DLG2: variants seen among roughly 807,000 people sequenced by gnomAD.
DLG2 encodes the protein discs large MAGUK scaffold protein 2.
DLG2 carries 45 observed loss-of-function variants against 132.5 expected under a neutral mutation model. The ratio of observed to expected loss-of-function variants is 0.34; its 90% CI spans 0.27 to 0.44. The LOEUF (loss-of-function observed/expected upper bound fraction) is 0.44. DLG2 is among the 20% of genes least tolerant of loss of function. The probability of loss-of-function intolerance (pLI) is 1.00; values close to 1 mark genes in which losing one functional copy is unlikely to be tolerated. For synonymous variants in DLG2, 424 were observed against 419.6 expected, an observed-to-expected ratio of 1.01 and a Z score of -0.13; for missense variants, 1,045 against 1,196.9, an observed-to-expected ratio of 0.87 and a Z score of 1.87.
At chr11:84,393,918 C>T (rs1230667408) in intron 7 of DLG2, among the ~76,000 whole-genome samples, 3 of 152,118 alleles carry the variant, frequency 2.0e-5, no homozygotes, top group Non-Finnish European at 4.4e-5. Context: ...CAGAGTCTCA[C>T]TTTGTCACTC....
chr11:84,446,003 C>A (rs532738670), intron 7 of DLG2, among the ~76,000 whole-genome samples: 1 of 145,498 alleles, frequency 6.9e-6, no homozygotes, highest in Non-Finnish European at 1.5e-5. Context: ...CTCTTAAATT[C>A]TGTTATGTTT....
chr11:83,593,508 G>C (rs1003873408), intron 19 of DLG2, among the ~76,000 whole-genome samples: 13 of 151,990 alleles, frequency 8.6e-5, no homozygotes, highest in Admixed American at 3.9e-4. Context: ...GTTGGCGGAG[G>C]GGGGAGGGAT....
chr11:84,850,588 G>A (rs1348823923), intron 6 of DLG2, among the ~76,000 whole-genome samples: 1 of 151,952 alleles, frequency 6.6e-6, no homozygotes, highest in African/African-American at 2.4e-5. Flanking sequence ...AAAAGCATCT[G>A]GATTGAAAAG....
At chr11:85,283,149 G>T (rs553655043) in intron 4 of DLG2, among the ~76,000 whole-genome samples, 3 of 151,948 alleles carry the variant, frequency 2.0e-5, no homozygotes, top group South Asian at 2.1e-4. Context: ...TAGCACCTGG[G>T]TGATGAAATA....
intron 6 of DLG2, among the ~76,000 whole-genome samples, chr11:84,979,166 G>C (rs891034638): frequency 7.9e-5 from 12 of 152,104 alleles, no homozygotes; most frequent in African/African-American, 2.9e-4. Context: ...AACAACAGGT[G>C]CTGGAGAGGA....
chr11:84,980,523 A>G (rs1053924406), intron 6 of DLG2, among the ~76,000 whole-genome samples: 2 of 152,174 alleles, frequency 1.3e-5, no homozygotes, highest in African/African-American at 4.8e-5. Context: ...ATCACATCAG[A>G]TAAGACCCTT....
intron 3 of DLG2, among the ~76,000 whole-genome samples, chr11:85,287,336 C>G (rs1055290811): frequency 5.3e-5 from 8 of 151,884 alleles, no homozygotes; most frequent in Admixed American, 1.3e-4. Context: ...GACAAGCAAA[C>G]TAAAAGAAAA....
rs117917560 is a variant in DLG2, at chr11:85,576,240, C to T, written c.40+22417G>A. 5.2e-3 allele frequency among the ~76,000 whole-genome samples: 786 copies of T among 152,196 alleles called. 2 individuals are homozygous for T. The highest frequency in any genetic ancestry group is 8.6e-3 in the Non-Finnish European group (584 of 67,986). On this transcript the variant is annotated intron_variant, in intron 3 of 27. Transcript: ENST00000376104. ...GCAGTAACCTCAAAAAGGAACAGAA[C>T]ATGTAAACAAGTAAAATTTGCATAC...
At chr11:84,728,433 A>T (rs2062758624) in intron 6 of DLG2, among the ~76,000 whole-genome samples, 1 of 152,172 alleles carries the variant, frequency 6.6e-6, no homozygotes. Flanking sequence ...CATCCCAGGG[A>T]TGAAACCAAC....
chr11:84,278,071 T>TTTTTTA (rs2097802399), intron 7 of DLG2, among the ~76,000 whole-genome samples: 1 of 148,512 alleles, frequency 6.7e-6, no homozygotes, highest in Admixed American at 6.7e-5. Context: ...TTTTTTTTTT[T>TTTTTTA]GAGACAGGGT....
Position 83,922,986 on chromosome 11 carries a change from A to G in DLG2, c.1496+7342T>C, listed in dbSNP as rs565925738. ...ATCTCATATAAGTATAAAATCACAT[A>G]TGGGATTAGACACATGCTGCCATTT... On this transcript the variant is annotated intron_variant, in intron 15 of 27. Transcript: ENST00000376104. 5.3e-5 allele frequency among the ~76,000 whole-genome samples: 8 copies of G among 152,242 alleles called. No individual in the cohort carries two copies. In the East Asian group the frequency reaches 1.4e-3, roughly 26 times the overall value.
chr11:83,644,204 G>A (rs1180392283), intron 18 of DLG2, among the ~76,000 whole-genome samples: 2 of 152,080 alleles, frequency 1.3e-5, no homozygotes, highest in Non-Finnish European at 2.9e-5. Context: ...TACTTGCTTA[G>A]TATCTGTGAA....
intron 3 of DLG2, among the ~76,000 whole-genome samples, chr11:85,516,792 A>G (rs572664057): frequency 2.0e-5 from 3 of 152,030 alleles, no homozygotes; most frequent in Non-Finnish European, 2.9e-5. Flanking sequence ...AACTTTCCCA[A>G]TAAAGGAAAA....
At chr11:85,004,828 A>G (rs1241043043) in intron 6 of DLG2, among the ~76,000 whole-genome samples, 1 of 152,078 alleles carries the variant, frequency 6.6e-6, no homozygotes. Flanking sequence ...GGTATTGCCA[A>G]GGTTTTCTTC....
intron 18 of DLG2, among the ~76,000 whole-genome samples, chr11:83,745,056 G>A (rs1011223005): frequency 5.9e-5 from 9 of 152,212 alleles, no homozygotes; most frequent in South Asian, 2.1e-4. Flanking sequence ...CCAAAAATAC[G>A]AATCTCAGTT....
chr11:83,557,779 T>C (rs1466919524), intron 19 of DLG2, among the ~76,000 whole-genome samples: 1 of 152,116 alleles, frequency 6.6e-6, no homozygotes. Context: ...ATTGGTAATC[T>C]GGGGTGGTGG....
chr11:83,987,683 T>C (rs1172188526), intron 11 of DLG2, among the ~76,000 whole-genome samples: 2 of 152,082 alleles, frequency 1.3e-5, no homozygotes, highest in Non-Finnish European at 2.9e-5. Flanking sequence ...TTACACCTTA[T>C]ACAAAAATTA....
intron 14 of DLG2, among the ~76,000 whole-genome samples, chr11:83,940,825 G>A (rs1447370101): frequency 6.6e-6 from 1 of 152,148 alleles, no homozygotes; most frequent in Non-Finnish European, 1.5e-5. Flanking sequence ...CCTAACCCAG[G>A]AATAGTGCTT....
At chr11:84,002,847 T>A (rs1040496119) in intron 11 of DLG2, among the ~76,000 whole-genome samples, 3 of 152,192 alleles carry the variant, frequency 2.0e-5, no homozygotes, top group Non-Finnish European at 4.4e-5. Context: ...GAATTTCTTT[T>A]CAGAAAATTG....
Sources: allele counts gnomAD v4.1 joint callset (sites outside exome capture counted in the v4.1 genomes callset), GRCh38; gene constraint gnomAD v4.1.1; transcripts MANE v1.5; gene names NCBI Gene and HGNC (gene_info 2026-07-23, HGNC 2026-07-21).